The following TCF4 variants were observed in gnomAD, a reference collection of about 807,000 sequenced individuals.
The protein encoded by TCF4 is transcription factor 4, also known as SL3-3 enhancer factor 2.
Under a neutral mutation model 82.1 loss-of-function variants are expected in TCF4, and 3 were observed. The observed-to-expected ratio is 0.04, with a 90% CI of 0.02 to 0.09. TCF4 has a LOEUF of 0.09. Among genes scored for constraint, TCF4 ranks in the 10% least tolerant of loss-of-function variants. TCF4 has a pLI of 1.00. For synonymous variants in TCF4, 276 were observed against 309.6 expected (o/e 0.89, Z 1.14); for missense variants, 518 against 852.7 (o/e 0.61, Z 4.89).
rs777619443 is a variant in TCF4 at position 55,606,246 on chromosome 18, A to G, written c.287-19110T>C. On this transcript the variant is annotated intron_variant, in intron 2 of 20. Transcript: ENST00000398339. ...GATGAGAGAAGATGAGAGTAAAATA[A>G]CACACACTTTCTTCCTTTGTCTACA... is the stretch of plus-strand genomic sequence containing the variant. 3.7e-4 allele frequency among the ~76,000 whole-genome samples: 57 copies of G among 152,298 alleles called. 1 individual carries two copies. Among genetic ancestry groups the G allele is most frequent in the Admixed American group, 5.9e-4 (9 of 15,302 alleles).
At chr18:55,285,214 T>C (rs2146415304) in intron 8 of TCF4, among the ~76,000 whole-genome samples, 1 of 152,338 alleles carries the variant, frequency 6.6e-6, no homozygotes, top group East Asian at 1.9e-4. Context: ...GGCAGATTAC[T>C]AGAAATCACC....
chr18:55,359,488 C>T (rs148698620), intron 6 of TCF4, among the ~76,000 whole-genome samples: 3,456 of 152,274 alleles, frequency 0.023, 66 homozygotes, highest in Non-Finnish European at 0.035. Flanking sequence ...GTATTCCTGG[C>T]ATCCAACAGG....
At chr18:55,635,389 A>C (rs147438770) in intron 1 of TCF4, among the ~76,000 whole-genome samples, 28 of 152,142 alleles carry the variant, frequency 1.8e-4, no homozygotes, top group Non-Finnish European at 3.2e-4. Context: ...CATGCCTGTA[A>C]TCTCAGCTAC....
At chr18:55,448,868 C>G (rs1026868859) in intron 5 of TCF4, among the ~76,000 whole-genome samples, 1 of 152,152 alleles carries the variant, frequency 6.6e-6, no homozygotes, top group African/African-American at 2.4e-5. Context: ...ATTTCAGAAC[C>G]AAATGAAACT....
At chr18:55,468,375 G>A (rs2096078267) in intron 3 of TCF4, among the ~76,000 whole-genome samples, 1 of 152,162 alleles carries the variant, frequency 6.6e-6, no homozygotes, top group Non-Finnish European at 1.5e-5. Context: ...CACACAAAGT[G>A]TCCAGGAGAA....
At chr18:55,323,422 C>T (rs1842900524) in intron 8 of TCF4, among the ~76,000 whole-genome samples, 1 of 152,050 alleles carries the variant, frequency 6.6e-6, no homozygotes, top group African/African-American at 2.4e-5. Flanking sequence ...GAGCAAAGCC[C>T]GGGCTAATGG....
At chr18:55,437,245 T>C (rs571050950) in intron 5 of TCF4, among the ~76,000 whole-genome samples, 1 of 152,264 alleles carries the variant, frequency 6.6e-6, no homozygotes, top group Non-Finnish European at 1.5e-5. Context: ...ACAAGAAAAA[T>C]CACACCTACC....
chr18:55,609,102 T>C (rs936092355), intron 2 of TCF4, among the ~76,000 whole-genome samples: 2 of 152,142 alleles, frequency 1.3e-5, no homozygotes, highest in African/African-American at 4.8e-5. Flanking sequence ...GCTGGGCTCT[T>C]ACCAGACATC....
intron 8 of TCF4, among the ~76,000 whole-genome samples, chr18:55,308,491 G>A (rs1303556479): frequency 6.6e-6 from 1 of 152,106 alleles, no homozygotes; most frequent in African/African-American, 2.4e-5. Context: ...TCTACCCAAA[G>A]GTCTTGTCTA....
intron 5 of TCF4, among the ~76,000 whole-genome samples, chr18:55,455,105 T>A (rs1465134100): frequency 6.9e-6 from 1 of 144,126 alleles, no homozygotes; most frequent in Non-Finnish European, 1.5e-5. Context: ...GAGGCTCACC[T>A]GAGCCCAGGA....
intron 8 of TCF4, among the ~76,000 whole-genome samples, chr18:55,314,763 A>G (rs2073642225): frequency 6.6e-6 from 1 of 151,896 alleles, no homozygotes; most frequent in African/African-American, 2.4e-5. Flanking sequence ...GTGTTTCCAT[A>G]CTGTGGATAA....
At chr18:55,246,437 G>A (rs1223107139) in intron 15 of TCF4, among the ~76,000 whole-genome samples, 1 of 152,108 alleles carries the variant, frequency 6.6e-6, no homozygotes, top group Non-Finnish European at 1.5e-5. Flanking sequence ...CATAGAGTCT[G>A]AATTTGAGTA....
rs190834832 is a variant in TCF4 at position 55,488,464 on chromosome 18, A to G, written c.146-24327T>C. Reference sequence around the variant, plus strand: ...GAATTAGGAGATGGAGAAGAGAGGGAAAAAAAAAGGAGTATTGGCCAGTAA... The same window carrying G: ...GAATTAGGAGATGGAGAAGAGAGGGGAAAAAAAAGGAGTATTGGCCAGTAA... On this transcript the variant is annotated intron_variant, in intron 3 of 19. Transcript: ENST00000354452. Among the ~76,000 whole-genome samples, 291 of 121,254 alleles carry G rather than the reference A, an allele frequency of 2.4e-3. 1 individual carries two copies. Among genetic ancestry groups the G allele is most frequent in the African/African-American group, 0.011 (284 of 25,492 alleles). 79.5% of individuals were successfully genotyped at this position (121,254 alleles called of 152,430 possible).
chr18:55,543,796 G>A lies in TCF4; in HGVS notation c.145+41484C>T, dbSNP rs114887023. ...ATTTCTATAGCTGAAAGACGAAAAC[G>A]CTCAAGCATGCATGAGCCAATAATT... On this transcript the variant is annotated intron_variant, in intron 3 of 19. Coordinates refer to ENST00000354452, the MANE Select transcript of TCF4 (RefSeq NM_001083962.2). Among the ~76,000 whole-genome samples, 205 of 152,192 alleles carry A rather than the reference G, an allele frequency of 1.3e-3. 2 individuals carry two copies. The highest frequency in any genetic ancestry group is 4.6e-3 in the African/African-American group (190 of 41,534).
At chr18:55,483,522 T>C (rs1451771050) in intron 3 of TCF4, among the ~76,000 whole-genome samples, 5 of 152,204 alleles carry the variant, frequency 3.3e-5, no homozygotes, top group East Asian at 1.9e-4. Flanking sequence ...GTGATTTCTA[T>C]AGTAAAAATG....
chr18:55,374,029 G>A (rs1555968295), intron 6 of TCF4, among the ~76,000 whole-genome samples: 1 of 151,986 alleles, frequency 6.6e-6, no homozygotes, highest in Non-Finnish European at 1.5e-5. Context: ...TTATTAAAGT[G>A]GGACTGTGAA....
At chr18:55,272,189 G>C (rs992569235) in intron 10 of TCF4, among the ~76,000 whole-genome samples, 1 of 151,996 alleles carries the variant, frequency 6.6e-6, no homozygotes, top group African/African-American at 2.4e-5. Context: ...ATAAAGGAGT[G>C]AACCAATGGA....
At chr18:55,580,974 C>T (rs2097570306) in intron 3 of TCF4, among the ~76,000 whole-genome samples, 1 of 151,884 alleles carries the variant, frequency 6.6e-6, no homozygotes, top group African/African-American at 2.4e-5. Context: ...CACAGCACAC[C>T]TCTCTAACAC....
chr18:55,332,917 A>T (rs1400954499), intron 8 of TCF4, among the ~76,000 whole-genome samples: 1 of 152,246 alleles, frequency 6.6e-6, no homozygotes, highest in African/African-American at 2.4e-5. Context: ...TCTAAGAGAA[A>T]GGCACTAAAG....
Sources: allele counts gnomAD v4.1 joint callset (sites outside exome capture counted in the v4.1 genomes callset), GRCh38; gene constraint gnomAD v4.1.1; transcripts MANE v1.5; gene names NCBI Gene and HGNC (gene_info 2026-07-23, HGNC 2026-07-21).